The following ERC2 variants were observed in gnomAD, a reference collection of about 807,000 sequenced individuals.
ERC2 encodes the protein ELKS/RAB6-interacting/CAST family member 2.
ERC2 carries 42 observed loss-of-function variants against 114.8 expected under a neutral mutation model. The observed-to-expected ratio is 0.37, with a 90% CI of 0.29 to 0.47. The LOEUF (loss-of-function observed/expected upper bound fraction) is 0.47, where lower values mean the gene tolerates loss of function less well. ERC2 is among the 20% of genes least tolerant of loss of function. ERC2 has a pLI of 0.99. For missense variants in ERC2, 939 were observed against 1,150.7 expected (o/e 0.82, Z 2.66); for synonymous variants, 454 against 425.5 (o/e 1.07, Z -0.82).
intron 15 of ERC2, among the ~76,000 whole-genome samples, chr3:55,706,602 G>T (rs750787363): frequency 1.3e-5 from 2 of 151,822 alleles, no homozygotes; most frequent in Non-Finnish European, 2.9e-5. Flanking sequence ...AGTAGAGATA[G>T]GGTTTCACCA....
intron 14 of ERC2, among the ~76,000 whole-genome samples, chr3:55,812,102 A>C (rs988023484): frequency 6.6e-6 from 1 of 152,198 alleles, no homozygotes; most frequent in African/African-American, 2.4e-5. Flanking sequence ...ATAAGTGAGA[A>C]CATGTGGTGT....
chr3:55,642,253 GT>G (rs1367569802), intron 17 of ERC2, among the ~76,000 whole-genome samples: 1 of 151,898 alleles, frequency 6.6e-6, no homozygotes, highest in Non-Finnish European at 1.5e-5. Context: ...AATAGGCTAA[GT>G]TCAGTCTCTC....
At chr3:55,580,007 G>A (rs569625426) in intron 17 of ERC2, among the ~76,000 whole-genome samples, 2 of 152,350 alleles carry the variant, frequency 1.3e-5, no homozygotes, top group South Asian at 4.1e-4. Flanking sequence ...TTCAAATAGA[G>A]TCCACAGCCT....
chr3:55,526,921 A>C (rs1186584558), intron 17 of ERC2, among the ~76,000 whole-genome samples: 1 of 152,184 alleles, frequency 6.6e-6, no homozygotes, highest in Non-Finnish European at 1.5e-5. Context: ...CCAGGACTCC[A>C]GCTGACACAG....
At chr3:55,764,855 T>C (rs1345224454) in intron 14 of ERC2, among the ~76,000 whole-genome samples, 1 of 152,192 alleles carries the variant, frequency 6.6e-6, no homozygotes, top group Non-Finnish European at 1.5e-5. Flanking sequence ...CCATTGCATG[T>C]AGCCTAATGT....
chr3:55,679,343 T>C (rs1195540183), intron 17 of ERC2, among the ~76,000 whole-genome samples: 5 of 152,190 alleles, frequency 3.3e-5, no homozygotes, highest in African/African-American at 1.2e-4. Context: ...CTTTTAAGAC[T>C]TGGCTTAAAA....
chr3:55,853,498 G>A lies in ERC2; in HGVS notation c.2564+34891C>T, dbSNP rs138397818. On this transcript the variant is annotated intron_variant, in intron 14 of 17. Transcript: ENST00000288221. ...GTCATGATTGTGCCACTGCACTCCA[G>A]CCTGGGAGACAGAGTGAGACCCTGT... Among the ~76,000 whole-genome samples the A allele has an allele frequency of 3.6e-3, 554 of 151,948 alleles. 6 individuals carry two copies. Among genetic ancestry groups the A allele is most frequent in the African/African-American group, 0.013 (521 of 41,456 alleles).
chr3:55,852,040 G>A (rs2061595599), intron 14 of ERC2, among the ~76,000 whole-genome samples: 1 of 152,196 alleles, frequency 6.6e-6, no homozygotes, highest in African/African-American at 2.4e-5. Context: ...TGACCAACAT[G>A]GTGAAACCTC....
chr3:55,753,106 G>A (rs1193996820), intron 14 of ERC2, among the ~76,000 whole-genome samples: 1 of 152,054 alleles, frequency 6.6e-6, no homozygotes, highest in Non-Finnish European at 1.5e-5. Flanking sequence ...TCCCCAAGTG[G>A]GTGACAGCAA....
chr3:55,905,173 C>A (rs7621837), intron 13 of ERC2, among the ~76,000 whole-genome samples: 1 of 151,898 alleles, frequency 6.6e-6, no homozygotes, highest in African/African-American at 2.4e-5. Context: ...CTCTGCCTCC[C>A]GGGTTCAAGC....
intron 2 of ERC2, among the ~76,000 whole-genome samples, chr3:56,374,115 G>C (rs925229264): frequency 2.7e-5 from 4 of 148,424 alleles, no homozygotes; most frequent in Non-Finnish European, 4.5e-5. Context: ...GTTTGTTTTT[G>C]AGACTGAGTC....
chr3:55,863,255 T>C (rs187673470), intron 14 of ERC2, among the ~76,000 whole-genome samples: 1 of 152,262 alleles, frequency 6.6e-6, no homozygotes, highest in East Asian at 1.9e-4. Flanking sequence ...GTGATTCAGA[T>C]AGACTCAGTA....
At chr3:56,032,921 A>AGAGAGAG (rs1560056350) in intron 7 of ERC2, among the ~76,000 whole-genome samples, 1 of 80,870 alleles carries the variant, frequency 1.2e-5, no homozygotes, top group African/African-American at 3.8e-5. Flanking sequence ...GAAAGAAAGA[A>AGAGAGAG]AGAAAGAAAG....
At chr3:56,209,301 A>G (rs1315522145) in intron 3 of ERC2, among the ~76,000 whole-genome samples, 1 of 151,956 alleles carries the variant, frequency 6.6e-6, no homozygotes, top group African/African-American at 2.4e-5. Context: ...TCCTGACTCT[A>G]TTCAGGCCTT....
In ERC2 at chr3:55,985,023, G is replaced by A. The variant is rs753533644; in HGVS notation, c.2267+954C>T. 1.1e-4 allele frequency among the ~76,000 whole-genome samples: 16 copies of A among 152,164 alleles called. 1 individual carries two copies. Among genetic ancestry groups the A allele is most frequent in the Non-Finnish European group, 1.9e-4 (13 of 68,024 alleles). On this transcript the variant is annotated intron_variant, in intron 12 of 17. Transcript: ENST00000288221. Reference sequence around the variant, plus strand: ...GTGTACAGAGAAGAAAATAATTATCGCTTGCCTCTCAATAGAGCAACTATA... The same window carrying A: ...GTGTACAGAGAAGAAAATAATTATCACTTGCCTCTCAATAGAGCAACTATA...
intron 12 of ERC2, among the ~76,000 whole-genome samples, chr3:55,978,556 A>T (rs2069788180): frequency 6.6e-6 from 1 of 152,234 alleles, no homozygotes; most frequent in Admixed American, 6.5e-5. Context: ...TACTCTTGGC[A>T]TGAAAATCTT....
chr3:55,688,569 C>T (rs1386252897), intron 16 of ERC2, among the ~76,000 whole-genome samples: 1 of 152,202 alleles, frequency 6.6e-6, no homozygotes, highest in Non-Finnish European at 1.5e-5. Flanking sequence ...GAACTTGGTC[C>T]TGCCTTCTTT....
intron 7 of ERC2, among the ~76,000 whole-genome samples, chr3:56,066,411 T>G (rs891278318): frequency 1.3e-5 from 2 of 152,180 alleles, no homozygotes; most frequent in Non-Finnish European, 2.9e-5. Flanking sequence ...GTTGTTTTTC[T>G]TCTTGTAAAT....
intron 3 of ERC2, among the ~76,000 whole-genome samples, chr3:56,213,516 G>A (rs546182330): frequency 6.6e-6 from 1 of 152,318 alleles, no homozygotes; most frequent in South Asian, 2.1e-4. Flanking sequence ...AAAGCAGCCA[G>A]GAAGCTCGAA....
Sources: gnomAD v4.1 joint callset for allele counts (sites outside exome capture counted in the v4.1 genomes callset) on GRCh38, gnomAD v4.1.1 for gene constraint, MANE v1.5 for transcripts, NCBI Gene and HGNC (gene_info 2026-07-23, HGNC 2026-07-21) for gene names.